Variants in EPM2A observed in about 807,000 individuals in gnomAD.
The protein encoded by EPM2A is EPM2A glucan phosphatase, laforin, also known as laforin.
EPM2A carries 21 observed loss-of-function variants against 26.5 expected under a neutral mutation model. That is an observed-to-expected ratio of 0.79 (90% CI 0.56 to 1.14). The LOEUF (loss-of-function observed/expected upper bound fraction) is 1.14. Among genes scored for constraint, EPM2A ranks in the 50% most tolerant of loss-of-function variants. The pLI is 0.00. For missense variants in EPM2A, 458 were observed against 440.8 expected (o/e 1.04, Z -0.35); for synonymous variants, 217 against 177.6 (o/e 1.22, Z -1.76).
At chr6:145,705,087 T>C (rs1261931173) in intron 1 of EPM2A, among the ~76,000 whole-genome samples, 2 of 152,194 alleles carry the variant, frequency 1.3e-5, no homozygotes, top group Non-Finnish European at 2.9e-5. Context: ...ATCTGCTACA[T>C]GACAGGCATT....
chr6:145,425,625 GA>G (rs1202217842), intron 4 of EPM2A, among the ~76,000 whole-genome samples: 1 of 108,918 alleles, frequency 9.2e-6, no homozygotes, highest in Non-Finnish European at 1.9e-5. Flanking sequence ...AGATATTTGA[GA>G]ATGGCAAAAA....
chr6:145,628,166 T>A (rs1193301256), intron 3 of EPM2A: 1 of 189,808 alleles, frequency 5.3e-6, no homozygotes, highest in Non-Finnish European at 1.1e-5. Context: ...GTTAAAGGAA[T>A]CAATCTGTTC....
At chr6:145,689,670 C>T (rs1781150459) in intron 1 of EPM2A, among the ~76,000 whole-genome samples, 1 of 152,244 alleles carries the variant, frequency 6.6e-6, no homozygotes, top group Non-Finnish European at 1.5e-5. Context: ...AACTACACTA[C>T]TCCAGTCAAA....
intron 1 of EPM2A, among the ~76,000 whole-genome samples, chr6:145,718,952 T>C (rs144548036): frequency 0.011 from 1,654 of 152,214 alleles, 13 homozygotes; most frequent in Admixed American, 0.018. Context: ...ACAATGGCAA[T>C]CATTAAAAAG....
At chr6:145,629,125 G>T (rs1343796763) in intron 3 of EPM2A, 1 of 152,266 alleles carries the variant, frequency 6.6e-6, no homozygotes. Flanking sequence ...AAGACTGCAT[G>T]CTCCACACAG....
chr6:145,593,045 A>C (rs1582882043), intron 2 of EPM2A, among the ~76,000 whole-genome samples: 1 of 152,096 alleles, frequency 6.6e-6, no homozygotes, highest in Non-Finnish European at 1.5e-5. Flanking sequence ...CCAACTATAC[A>C]CTGTATTCAA....
At chr6:145,574,537 G>A (rs140037395) in intron 2 of EPM2A, among the ~76,000 whole-genome samples, 1,890 of 152,294 alleles carry the variant, frequency 0.012, 42 homozygotes, top group African/African-American at 0.044. Flanking sequence ...AGATGCAGGT[G>A]CTGCCCTCAC....
chr6:145,724,121 A>T (rs958538592), intron 1 of EPM2A, among the ~76,000 whole-genome samples: 2 of 152,024 alleles, frequency 1.3e-5, no homozygotes, highest in Non-Finnish European at 2.9e-5. Flanking sequence ...CTTCCTAGAG[A>T]CCTGCCTTTG....
chr6:145,551,656 T>A (rs759315643), intron 2 of EPM2A, among the ~76,000 whole-genome samples: 1 of 152,002 alleles, frequency 6.6e-6, no homozygotes, highest in Non-Finnish European at 1.5e-5. Context: ...GTTGTGTCAC[T>A]CAGAAGAGAC....
At chr6:145,596,763 C>G (rs1781348317) in intron 2 of EPM2A, among the ~76,000 whole-genome samples, 1 of 151,640 alleles carries the variant, frequency 6.6e-6, no homozygotes, top group Non-Finnish European at 1.5e-5. Flanking sequence ...CTTCGTGGGA[C>G]TCTCTCACAT....
chr6:145,652,345 A>G (rs1777942492), intron 2 of EPM2A, among the ~76,000 whole-genome samples: 1 of 152,114 alleles, frequency 6.6e-6, no homozygotes, highest in Admixed American at 6.6e-5. Context: ...TTTGTTGTTA[A>G]TGGGATTCTA....
At chr6:145,492,324 G>A (rs1332262108) in intron 4 of EPM2A, among the ~76,000 whole-genome samples, 2 of 152,162 alleles carry the variant, frequency 1.3e-5, no homozygotes, top group African/African-American at 2.4e-5. Flanking sequence ...GTGCCGGCAG[G>A]AGCAAAATTC....
At chr6:145,443,840 T>C (rs561108859) in intron 4 of EPM2A, among the ~76,000 whole-genome samples, 4 of 152,306 alleles carry the variant, frequency 2.6e-5, no homozygotes, top group Admixed American at 2.0e-4. Context: ...TGAGATCTGA[T>C]GGTTTTAAAA....
downstream of EPM2A, among the ~76,000 whole-genome samples, chr6:145,622,477 T>G (rs1052876052): frequency 6.6e-6 from 1 of 152,180 alleles, no homozygotes; most frequent in Non-Finnish European, 1.5e-5. Flanking sequence ...TGTGACCTTA[T>G]TCAGAAATCA....
intron 1 of EPM2A, among the ~76,000 whole-genome samples, chr6:145,713,276 A>T (rs1186630433): frequency 6.6e-6 from 1 of 152,198 alleles, no homozygotes; most frequent in Non-Finnish European, 1.5e-5. Context: ...CCTATAGCCC[A>T]TCTGAGGATT....
intron 1 of EPM2A, among the ~76,000 whole-genome samples, chr6:145,688,123 A>G (rs1781051559): frequency 6.6e-6 from 1 of 152,186 alleles, no homozygotes; most frequent in South Asian, 2.1e-4. Flanking sequence ...GATATTTATC[A>G]TAAGAGCAAC....
chr6:145,480,545 C>A (rs1194536770), intron 4 of EPM2A, among the ~76,000 whole-genome samples: 1 of 151,998 alleles, frequency 6.6e-6, no homozygotes, highest in Non-Finnish European at 1.5e-5. Context: ...ATATTTTCTC[C>A]CATTCTGTAG....
chr6:145,437,256 A>ACTTCCC, intron 4 of EPM2A, among the ~76,000 whole-genome samples: 1 of 151,716 alleles, frequency 6.6e-6, no homozygotes, highest in African/African-American at 2.4e-5. Context: ...GAAGGTGCTT[A>ACTTCCC]CTTCCCCTTC....
chr6:145,731,960 G>C (rs1776509876), intron 1 of EPM2A, among the ~76,000 whole-genome samples: 2 of 151,962 alleles, frequency 1.3e-5, no homozygotes, highest in Admixed American at 1.3e-4. Context: ...AGTCTTCAAA[G>C]GAAAAATTAT....
Sources: gnomAD v4.1 joint callset for allele counts (sites outside exome capture counted in the v4.1 genomes callset) on GRCh38, gnomAD v4.1.1 for gene constraint, MANE v1.5 for transcripts, NCBI Gene and HGNC (gene_info 2026-07-23, HGNC 2026-07-21) for gene names.